The following SMPDL3B variants were observed in gnomAD, a reference collection of about 807,000 sequenced individuals.
SMPDL3B encodes sphingomyelin phosphodiesterase acid like 3B, also known as acid sphingomyelinase-like phosphodiesterase 3b.
In SMPDL3B, 31 loss-of-function variants were observed where a neutral mutation model predicts 37.9. That is an observed-to-expected ratio of 0.82 (90% CI 0.61 to 1.10). The LOEUF (loss-of-function observed/expected upper bound fraction) is 1.10, where lower values mean the gene tolerates loss of function less well. Among genes scored for constraint, SMPDL3B ranks in the 50% least tolerant of loss-of-function variants. The pLI, the probability that SMPDL3B is intolerant of heterozygous loss-of-function variation, is 0.00. For synonymous variants in SMPDL3B, 235 were observed against 242.6 expected, an observed-to-expected ratio of 0.97 and a Z score of 0.29; for missense variants, 525 against 597.8, an observed-to-expected ratio of 0.88 and a Z score of 1.27.
chr1:27,956,527 C>A, intron 7 of SMPDL3B: 2 of 1,078,094 alleles, frequency 1.9e-6, no homozygotes, highest in Non-Finnish European at 2.3e-6. Flanking sequence ...TCCACATTTT[C>A]CGTACACAGA....
Position 27,953,315 on chromosome 1 carries a change from GA to G in SMPDL3B, c.477del (p.Lys159AsnfsTer45). ...TCTACAATCAGATAGCAGAACTATG[GA>G]AACCCTGGCTTAGTAATGAGTCCAT... The part of the protein sequence containing the change: ...NIYNQIAELW[K>X]PWLSNESIAL... On this transcript the variant is annotated frameshift_variant, in exon 4 of 8. Transcript: ENST00000373894. LOFTEE classifies it high-confidence loss of function. The G allele has an allele frequency of 4.3e-6, 7 of 1,613,932 alleles. No individual in the cohort carries two copies. The highest frequency in any genetic ancestry group is 5.9e-6 in the Non-Finnish European group (7 of 1,179,928).
chr1:27,947,653 GTTTTTT>G, intron 2 of SMPDL3B, among the ~76,000 whole-genome samples: 1 of 106,170 alleles, frequency 9.4e-6, no homozygotes, highest in East Asian at 3.5e-4. Context: ...GTGTTTTTTT[GTTTTTT>G]TTTTTTAAGA....
chr1:27,944,012 C>CAA (rs5773206), intron 1 of SMPDL3B, among the ~76,000 whole-genome samples: 6 of 92,272 alleles, frequency 6.5e-5, no homozygotes, highest in South Asian at 3.8e-4. Context: ...AACTCTGTCT[C>CAA]AAAAAAAAAA....
At chr1:27,939,485 G>T (rs951639398) in intron 1 of SMPDL3B, among the ~76,000 whole-genome samples, 3 of 152,096 alleles carry the variant, frequency 2.0e-5, no homozygotes, top group East Asian at 3.8e-4. Flanking sequence ...CAAGTACGGA[G>T]AAATTAAATT....
intron 3 of SMPDL3B, among the ~76,000 whole-genome samples, chr1:27,949,663 A>G (rs1425329752): frequency 1.3e-5 from 2 of 152,200 alleles, no homozygotes; most frequent in Admixed American, 6.5e-5. Context: ...GTGAGGCAGC[A>G]GCCCTACGGG....
intron 2 of SMPDL3B, among the ~76,000 whole-genome samples, chr1:27,947,827 T>C (rs1401909758): frequency 6.6e-6 from 1 of 151,226 alleles, no homozygotes; most frequent in Non-Finnish European, 1.5e-5. Context: ...ATGATCCGCC[T>C]GCCTCGGCCT....
At chr1:27,946,446 G>A (rs941621591) in intron 2 of SMPDL3B, among the ~76,000 whole-genome samples, 9 of 152,144 alleles carry the variant, frequency 5.9e-5, no homozygotes, top group African/African-American at 1.9e-4. Context: ...CTCAGTTGTG[G>A]GGTAGATGCT....
At chr1:27,939,754 G>A (rs2090341527) in intron 1 of SMPDL3B, among the ~76,000 whole-genome samples, 2 of 152,186 alleles carry the variant, frequency 1.3e-5, no homozygotes, top group Non-Finnish European at 2.9e-5. Context: ...CCAGGAGGTT[G>A]AGGCTGCAGT....
At chr1:27,944,273 C>T (rs115553022) in intron 1 of SMPDL3B, among the ~76,000 whole-genome samples, 1,732 of 152,206 alleles carry the variant, frequency 0.011, 43 homozygotes, top group African/African-American at 0.039. Flanking sequence ...GAGGTCAGCC[C>T]GATCTGAAGT....
rs2090395262 is a variant in SMPDL3B, at chr1:27,945,148, C to T, written c.62-84C>T. The stretch of plus-strand genomic sequence containing the variant: ...CCATTTGCCTGTGTAACGCCCCTGC[C>T]CCAGCCCAGGGCTCCCCTGGACTTC... On this transcript the variant is annotated intron_variant, in intron 1 of 7. Transcript: ENST00000373894. The surrounding 1 kb of genome is among the most constrained non-coding windows in gnomAD (Gnocchi z 4.0). 2 of 1,366,656 alleles carry T rather than the reference C, an allele frequency of 1.5e-6. No individual in the cohort carries two copies. Among genetic ancestry groups the T allele is most frequent in the African/African-American group, 1.4e-5 (1 of 70,344 alleles). The allele number at this position is 1,366,656 out of a possible 1,614,324, so 84.7% of individuals were successfully genotyped here. A position where few individuals can be genotyped will look rare whatever the true frequency, so the allele number is the denominator to read the frequency against.
rs1228428614 is a variant in SMPDL3B, at chr1:27,955,954, C to T, written c.877C>T (p.Pro293Ser). Residue 293 changes from proline to serine, a missense_variant, in exon 7 of 8, where the codon CCC becomes TCC. Physicochemically the swap from Pro to Ser is moderately conservative, Grantham distance 74. Coordinates refer to ENST00000373894, the MANE Select transcript of SMPDL3B (RefSeq NM_014474.4). ...FRMLYDDAGVPISAMFITPGV... is the reference protein window; with the variant it reads ...FRMLYDDAGVSISAMFITPGV... Reference sequence around the variant, plus strand: ...TGCTGTCTCTCTCCTGACAGGTGTCCCCATAAGCGCCATGTTCATCACACC... The same window carrying T: ...TGCTGTCTCTCTCCTGACAGGTGTCTCCATAAGCGCCATGTTCATCACACC... 2 of 1,614,028 alleles carry T rather than the reference C, an allele frequency of 1.2e-6. No individual in the cohort carries two copies. The highest frequency in any genetic ancestry group is 1.7e-6 in the Non-Finnish European group (2 of 1,179,972).
chr1:27,956,079 G>A lies in SMPDL3B; in HGVS notation c.1002G>A (p.Leu334=), dbSNP rs1262827543. Residue 334 remains leucine, a synonymous_variant, in exon 7 of 8, where the codon CTG becomes CTA. Transcript: ENST00000373894. The part of the protein sequence containing the change: ...VFEYDRATLS[L]KDMVTYFMNL... ...AATATGACCGAGCCACACTGAGCCTGAAGGTCAGGAGTCCTGCGGAGGCCA... is the reference window on the plus strand; with the variant it reads ...AATATGACCGAGCCACACTGAGCCTAAAGGTCAGGAGTCCTGCGGAGGCCA... 18 of 1,614,056 alleles carry A rather than the reference G, an allele frequency of 1.1e-5. No individual in the cohort carries two copies. The highest frequency in any genetic ancestry group is 1.6e-4 in the Middle Eastern group (1 of 6,084).
At chr1:27,947,551 GA>G (rs770260752) in intron 2 of SMPDL3B, among the ~76,000 whole-genome samples, 16 of 146,276 alleles carry the variant, frequency 1.1e-4, no homozygotes, top group Non-Finnish European at 2.2e-4. Flanking sequence ...CTGGGAGACG[GA>G]GGTTGCAGTG....
chr1:27,944,776 GATTTTC>G (rs2090392726), intron 1 of SMPDL3B, among the ~76,000 whole-genome samples: 1 of 150,574 alleles, frequency 6.6e-6, no homozygotes, highest in Non-Finnish European at 1.5e-5. Context: ...GGACAGGTCA[GATTTTC>G]ATATGTAGTT....
intron 3 of SMPDL3B, among the ~76,000 whole-genome samples, chr1:27,950,808 T>C (rs1245980722): frequency 1.3e-5 from 2 of 152,180 alleles, no homozygotes; most frequent in Admixed American, 6.5e-5. Context: ...TTTAGTATTT[T>C]TGGTAGAGAT....
At chr1:27,952,089 A>G (rs563875368) in intron 3 of SMPDL3B, among the ~76,000 whole-genome samples, 1 of 152,188 alleles carries the variant, frequency 6.6e-6, no homozygotes, top group Non-Finnish European at 1.5e-5. Flanking sequence ...TCGCACCCTC[A>G]TGGAGCTTAT....
In SMPDL3B at chr1:27,955,788, G is replaced by C. The variant is rs2090495530; in HGVS notation, c.795G>C (p.Lys265Asn). The change falls in exon 6 of 8, where the codon AAG becomes AAC. Residue 265 changes from lysine (K) to asparagine (N), a missense_variant. Coordinates refer to ENST00000373894, the MANE Select transcript of SMPDL3B (RefSeq NM_014474.4). The stretch of plus-strand genomic sequence containing the variant: ...AAAAATACCTGAAGGTGGTCCGGAA[G>C]CATCATCGCGTCATAGCAGGGCAGT... ...FNEKYLKVVR[K>N]HHRVIAGQFF... 2 of 1,614,056 alleles carry C rather than the reference G, an allele frequency of 1.2e-6. No homozygotes were observed. The highest frequency in any genetic ancestry group is 2.7e-5 in the African/African-American group (2 of 74,926).
intron 1 of SMPDL3B, among the ~76,000 whole-genome samples, chr1:27,936,317 G>A (rs1177204081): frequency 6.6e-6 from 1 of 152,074 alleles, no homozygotes; most frequent in African/African-American, 2.4e-5. Flanking sequence ...GCTGGGTGTG[G>A]TAGTGGGTGC....
At chr1:27,940,182 C>A (rs111446951) in intron 1 of SMPDL3B, among the ~76,000 whole-genome samples, 264 of 152,248 alleles carry the variant, frequency 1.7e-3, no homozygotes, top group African/African-American at 5.9e-3. Context: ...TTTTTGCCTG[C>A]CCAGGGACGC....
Sources: allele counts gnomAD v4.1 joint callset (sites outside exome capture counted in the v4.1 genomes callset), GRCh38; gene constraint gnomAD v4.1.1; non-coding constraint Gnocchi (gnomAD v3.1); transcripts MANE v1.5; gene names NCBI Gene and HGNC (gene_info 2026-07-23, HGNC 2026-07-21).